The following LIG1 variants were observed in gnomAD, a reference collection of about 807,000 sequenced individuals.
The protein encoded by LIG1 is ligase I, DNA, ATP-dependent.
Under a neutral mutation model 115.7 loss-of-function variants are expected in LIG1, and 70 were observed. The observed-to-expected ratio is 0.60, with a 90% CI of 0.50 to 0.74. The LOEUF (loss-of-function observed/expected upper bound fraction) is 0.74, where lower values mean the gene tolerates loss of function less well. Among genes scored for constraint, LIG1 ranks in the 30% least tolerant of loss-of-function variants. The pLI is 0.00. For missense variants in LIG1, 1,115 were observed against 1,225.6 expected, an observed-to-expected ratio of 0.91 and a Z score of 1.35; for synonymous variants, 487 against 495.3, an observed-to-expected ratio of 0.98 and a Z score of 0.22.
chr19:48,138,544 C>T (rs755528242), intron 12 of LIG1, among the ~76,000 whole-genome samples: 3 of 152,164 alleles, frequency 2.0e-5, no homozygotes, highest in Non-Finnish European at 4.4e-5. Flanking sequence ...GGGATGTTAT[C>T]GAATCACACA....
chr19:48,136,995 C>A lies in LIG1; in HGVS notation c.1331+13G>T. 1 of 1,606,334 alleles carries A rather than the reference C, an allele frequency of 6.2e-7. No individual in the cohort carries two copies. Among genetic ancestry groups the A allele is most frequent in the Non-Finnish European group, 8.5e-7 (1 of 1,175,634 alleles). ...CAGTCCCCCTCTGTAGCCTCACAGG[C>A]CCACACGCTTACCTAGCGATGAACC... On this transcript the variant is annotated intron_variant, in intron 14 of 27. Coordinates refer to ENST00000263274, the MANE Select transcript of LIG1 (RefSeq NM_000234.3).
intron 21 of LIG1, among the ~76,000 whole-genome samples, chr19:48,124,746 G>A (rs2033549803): frequency 6.6e-6 from 1 of 152,200 alleles, no homozygotes. Context: ...CTACTGCAGT[G>A]GCTCATGCCT....
chr19:48,142,271 A>C (rs576189209), intron 11 of LIG1, among the ~76,000 whole-genome samples: 1 of 151,944 alleles, frequency 6.6e-6, no homozygotes, highest in Admixed American at 6.6e-5. Context: ...CCCCATCTCT[A>C]CTAAAAACAC....
chr19:48,165,709 G>GAAAGAA (rs1555783524), intron 1 of LIG1, 86 bp from the exon 2 acceptor site: 27 of 785,792 alleles, frequency 3.4e-5, no homozygotes, highest in Admixed American at 7.3e-5. Flanking sequence ...AAGAAAGAAA[G>GAAAGAA]AAAAAAAAAA....
intron 5 of LIG1, among the ~76,000 whole-genome samples, chr19:48,155,672 T>C (rs2035787700): frequency 6.6e-6 from 1 of 152,096 alleles, no homozygotes; most frequent in Non-Finnish European, 1.5e-5. Flanking sequence ...GTTTGAAGAG[T>C]CTATTTTGCT....
chr19:48,170,109 C>T (rs1405451376), intron 1 of LIG1, 132 bp downstream of exon 1: 2 of 425,232 alleles, frequency 4.7e-6, no homozygotes, highest in Non-Finnish European at 9.5e-6. Flanking sequence ...GTCTCCACCG[C>T]GCTCTCGGCA....
chr19:48,149,951 C>T, intron 8 of LIG1, 110 bp from the exon 9 acceptor site: 2 of 1,551,822 alleles, frequency 1.3e-6, no homozygotes, highest in South Asian at 1.1e-5. Flanking sequence ...GGGAGACAGG[C>T]TGGTAGAGAC....
At position 48,140,037 on chromosome 19, in the gene LIG1, G is replaced by T. The variant is rs756370784; in HGVS notation, c.1021C>A (p.Pro341Thr). The T allele has an allele frequency of 4.3e-6, 7 of 1,614,146 alleles. No individual in the cohort carries two copies. The highest frequency in any genetic ancestry group is 5.1e-6 in the Non-Finnish European group (6 of 1,180,042). Residue 341 changes from proline to threonine, a missense_variant, in exon 12 of 28, where the codon CCC becomes ACC. Transcript: ENST00000263274. The part of the protein sequence containing the change: ...LYLSLNHLGP[P>T]QQGLELGVGD... Reference sequence around the variant, plus strand: ...ACGCCAAGCTCCAGGCCCTGCTGGGGTGGCCCAAGGTGGTTGAGGCTGAGG... The same window carrying T: ...ACGCCAAGCTCCAGGCCCTGCTGGGTTGGCCCAAGGTGGTTGAGGCTGAGG...
chr19:48,157,088 G>T lies in LIG1; in HGVS notation c.296C>A (p.Pro99His), dbSNP rs369809477. ...GTCAGAGAGGGAAGCATTGTTCTCA[G>T]GAGATGTGGCAGGACGGGGCGGGGA... ...QVSPPRPATS[P>H]ENNASLSDTS... The change falls in exon 5 of 28, where the codon CCT (proline) becomes CAT (histidine). Residue 99 changes from proline to histidine, a missense_variant. Transcript: ENST00000263274. The T allele has an allele frequency of 6.2e-7, 1 of 1,613,884 alleles. No homozygotes were observed. Among genetic ancestry groups the T allele is most frequent in the East Asian group, 2.2e-5 (1 of 44,874 alleles).
At chr19:48,143,411 A>C in intron 11 of LIG1, 132 bp downstream of exon 11, 11 of 835,708 alleles carry the variant, frequency 1.3e-5, no homozygotes, top group Non-Finnish European at 1.2e-5. Context: ...TCTGACATCC[A>C]TGATCATACG....
At chr19:48,123,481 G>T in intron 21 of LIG1, 163 bp from the exon 22 acceptor site, 1 of 796,020 alleles carries the variant, frequency 1.3e-6, no homozygotes, top group Non-Finnish European at 2.0e-6. Flanking sequence ...GATTCTGAGA[G>T]CTTAAAGCAT....
intron 4 of LIG1, among the ~76,000 whole-genome samples, chr19:48,158,750 C>T (rs905094225): frequency 6.6e-5 from 10 of 152,342 alleles, no homozygotes; most frequent in Middle Eastern, 3.4e-3. Context: ...CCACGTGGTA[C>T]CTGATCAGAG....
chr19:48,156,959 A>AAG, intron 5 of LIG1, 55 bp downstream of exon 5: 2 of 1,349,816 alleles, frequency 1.5e-6, no homozygotes, highest in East Asian at 3.0e-5. Flanking sequence ...AAAAAAAAAA[A>AAG]AAAGAGAAAA....
intron 4 of LIG1, among the ~76,000 whole-genome samples, chr19:48,159,150 TCAC>T (rs1280578046): frequency 4.0e-5 from 6 of 151,526 alleles, no homozygotes; most frequent in Non-Finnish European, 8.8e-5. Context: ...CGATCTCGGC[TCAC>T]CACAACCTCC....
chr19:48,167,354 A>G (rs1177449073), intron 1 of LIG1, among the ~76,000 whole-genome samples: 1 of 151,730 alleles, frequency 6.6e-6, no homozygotes, highest in Non-Finnish European at 1.5e-5. Context: ...GGCAACAGAA[A>G]TGGTTTTCTT....
At chr19:48,163,194 A>T (rs1270109882) in intron 2 of LIG1, among the ~76,000 whole-genome samples, 1 of 150,964 alleles carries the variant, frequency 6.6e-6, no homozygotes, top group Admixed American at 6.6e-5. Context: ...TTGGGATTAC[A>T]GGCATGTGCC....
intron 4 of LIG1, 136 bp from the exon 5 acceptor site, chr19:48,157,276 G>A (rs538490181): frequency 1.3e-5 from 13 of 963,456 alleles, no homozygotes; most frequent in Admixed American, 8.8e-5. Flanking sequence ...CTAACTCAGG[G>A]GTGGCCTCTT....
rs112820248 is a variant in LIG1, at chr19:48,131,179, G to A, written c.1726-8C>T. ...GCCTTCCAGGGCGTGGATCTGTCAC[G>A]ATGGGAGAAGGGAGGGGAAATCAGC... On this transcript the variant is annotated splice_region_variant and splice_polypyrimidine_tract_variant and intron_variant, in intron 18 of 27. Coordinates refer to ENST00000263274, the MANE Select transcript of LIG1 (RefSeq NM_000234.3). 5.8e-4 allele frequency: 930 copies of A among 1,610,542 alleles called. 8 individuals carry two copies. In the African/African-American group the frequency reaches 0.011, roughly 18 times the overall value.
intron 19 of LIG1, among the ~76,000 whole-genome samples, chr19:48,130,769 G>A (rs1455328126): frequency 6.6e-6 from 1 of 152,188 alleles, no homozygotes; most frequent in African/African-American, 2.4e-5. Context: ...AAACTCTAAG[G>A]GGACAAGCAT....
Sources: allele counts gnomAD v4.1 joint callset (sites outside exome capture counted in the v4.1 genomes callset), GRCh38; gene constraint gnomAD v4.1.1; transcripts MANE v1.5; gene names NCBI Gene and HGNC (gene_info 2026-07-23, HGNC 2026-07-21).